The following OR5AN1 variants were observed in gnomAD, a reference collection of about 807,000 sequenced individuals.
OR5AN1 encodes olfactory receptor 5AN1.
For synonymous variants in OR5AN1, 167 were observed against 131.8 expected (o/e 1.27, Z -1.83); for missense variants, 476 against 368.9 (o/e 1.29, Z -2.38).
At position 59,370,974 on chromosome 11, in the gene OR5AN1, T is replaced by A. The variant is rs745855447; in HGVS notation, c.*5580T>A. 2 of 152,252 alleles carry A rather than the reference T, an allele frequency of 1.3e-5. No homozygotes were observed. Among genetic ancestry groups the A allele is most frequent in the African/African-American group, 4.8e-5 (2 of 41,476 alleles). The allele number at this position is 152,252 out of a possible 1,614,324, so 9.4% of individuals were successfully genotyped here. A position where few individuals can be genotyped will look rare whatever the true frequency, so the allele number is the denominator to read the frequency against. On this transcript the variant is annotated 3_prime_UTR_variant, in exon 2 of 2. Coordinates refer to ENST00000641998, the MANE Select transcript of OR5AN1 (RefSeq NM_001004729.2). Reference sequence around the variant, plus strand: ...GATAACCTCTGTGATAGCTCTAGGCTGTTATCTTGTAGGCTTTTTCTTTTC... The same window carrying A: ...GATAACCTCTGTGATAGCTCTAGGCAGTTATCTTGTAGGCTTTTTCTTTTC...
rs1857580305 is a variant in OR5AN1 at position 59,370,291 on chromosome 11, G to GC, written c.*4901dup. 2 of 152,226 alleles carry GC rather than the reference G, an allele frequency of 1.3e-5. No individual in the cohort carries two copies. Among genetic ancestry groups the GC allele is most frequent in the South Asian group, 4.1e-4 (2 of 4,820 alleles). The allele number at this position is 152,226 out of a possible 1,614,324, so 9.4% of individuals were successfully genotyped here. A position where few individuals can be genotyped will look rare whatever the true frequency, so the allele number is the denominator to read the frequency against. ...AACCTTGAATGTAAATGGGCTAAATGCCCCACTAAAAAGGCACAGAGTGGC... is the reference window on the plus strand; with the variant it reads ...AACCTTGAATGTAAATGGGCTAAATGCCCCCACTAAAAAGGCACAGAGTGGC... On this transcript the variant is annotated 3_prime_UTR_variant, in exon 2 of 2. Coordinates refer to ENST00000641998, the MANE Select transcript of OR5AN1 (RefSeq NM_001004729.2).
chr11:59,364,586 A>G lies in OR5AN1; in HGVS notation c.128A>G (p.Asn43Ser). Residue 43 changes from asparagine (N) to serine (S), a missense_variant, in exon 2 of 2, where the codon AAC (asparagine) becomes AGC (serine). Transcript: ENST00000641998. ...ATCTACATTACATCTCTGGCCTGGA[A>G]CCTCTCCCTCATTGTTTTAATAAGG... ...LVIYITSLAW[N>S]LSLIVLIRMD... The G allele has an allele frequency of 6.2e-7, 1 of 1,607,268 alleles. No individual in the cohort carries two copies. The highest frequency in any genetic ancestry group is 8.5e-7 in the Non-Finnish European group (1 of 1,174,220).
In OR5AN1 at chr11:59,369,892, C is replaced by A. The variant is rs1178479906; in HGVS notation, c.*4498C>A. 6.6e-6 allele frequency: 1 copy of A among 152,152 alleles called. No individual in the cohort carries two copies. Among genetic ancestry groups the A allele is most frequent in the African/African-American group, 2.4e-5 (1 of 41,416 alleles). 9.4% of individuals were successfully genotyped at this position (152,152 alleles called of 1,614,324 possible). A position where few individuals can be genotyped will look rare whatever the true frequency, so the allele number is the denominator to read the frequency against. On this transcript the variant is annotated 3_prime_UTR_variant, in exon 2 of 2. Transcript: ENST00000641998. Reference sequence around the variant, plus strand: ...GGTGAGTCATCTACAAAGGGATCCCCGTCAGGCTAACAGCAGACCTCTCCA... The same window carrying A: ...GGTGAGTCATCTACAAAGGGATCCCAGTCAGGCTAACAGCAGACCTCTCCA...
At chr11:59,361,628 A>C (rs1202406262) in intron 1 of OR5AN1, among the ~76,000 whole-genome samples, 1 of 152,128 alleles carries the variant, frequency 6.6e-6, no homozygotes, top group African/African-American at 2.4e-5. Flanking sequence ...TCCTTGCAAC[A>C]ACGCTTTGAG....
chr11:59,364,411 A>G (rs1857498549), intron 1 of OR5AN1, 35 bp from the exon 2 acceptor site: 1 of 1,308,492 alleles, frequency 7.6e-7, no homozygotes, highest in Non-Finnish European at 1.1e-6. Context: ...CAACTGAGTT[A>G]GCAATCCATT....
At position 59,365,326 on chromosome 11, in the gene OR5AN1, AT is replaced by A. The variant is rs1308383088; in HGVS notation, c.871del (p.Tyr291ThrfsTer3). 5.0e-6 allele frequency: 8 copies of A among 1,611,582 alleles called. No homozygotes were observed. The African/African-American group carries it at 8.0e-5, about 16-fold the overall frequency. The stretch of plus-strand genomic sequence containing the variant: ...GGTCATTCCCATGTTAAATCCCTTG[AT>A]TTACAGTTTGAGGAACAAAGAAATT... ...TVVIPMLNPLIYSLRNKEIKD... is the reference protein window; with the variant it reads ...TVVIPMLNPLXYSLRNKEIKD... On this transcript the variant is annotated frameshift_variant, in exon 2 of 2. Coordinates refer to ENST00000641998, the MANE Select transcript of OR5AN1 (RefSeq NM_001004729.2). LOFTEE classifies it low-confidence loss of function (END_TRUNC).
chr11:59,362,198 TTTTCTG>T (rs1162980724), intron 1 of OR5AN1, among the ~76,000 whole-genome samples: 1 of 152,182 alleles, frequency 6.6e-6, no homozygotes, highest in Non-Finnish European at 1.5e-5. Flanking sequence ...TATATTGTCT[TTTTCTG>T]TCTTATCACT....
intron 1 of OR5AN1, among the ~76,000 whole-genome samples, chr11:59,361,619 C>A (rs998269642): frequency 2.6e-5 from 4 of 152,126 alleles, no homozygotes. Context: ...TCATTTCCAT[C>A]CTTGCAACAA....
In OR5AN1 at chr11:59,365,638, C is replaced by T. The variant is rs186853448; in HGVS notation, c.*244C>T. On this transcript the variant is annotated 3_prime_UTR_variant, in exon 2 of 2. Transcript: ENST00000641998. ...CCTACATCAGGATAAATAATGTGGC[C>T]TCATCATTTATGAATTTGTCCAAAA... The T allele has an allele frequency of 9.6e-5, 36 of 374,886 alleles. 1 individual carries two copies. The East Asian group carries it at 1.1e-3, about 12-fold the overall frequency. 23.2% of individuals were successfully genotyped at this position (374,886 alleles called of 1,614,324 possible). A position where few individuals can be genotyped will look rare whatever the true frequency, so the allele number is the denominator to read the frequency against.
At chr11:59,360,647 G>A (rs943906285) in intron 1 of OR5AN1, among the ~76,000 whole-genome samples, 3 of 152,176 alleles carry the variant, frequency 2.0e-5, no homozygotes, top group African/African-American at 7.2e-5. Flanking sequence ...TGTCCTCATA[G>A]TTCAGCTCCC....
In OR5AN1 at chr11:59,365,472, C is replaced by T. The variant is rs1218073606; in HGVS notation, c.*78C>T. ...CCCACAAAATATGATAATGAATGGA[C>T]TATAACAAAATTCATGCTGCCTACT... On this transcript the variant is annotated 3_prime_UTR_variant, in exon 2 of 2. Transcript: ENST00000641998. 26 of 871,636 alleles carry T rather than the reference C, an allele frequency of 3.0e-5. No individual in the cohort carries two copies. The highest frequency in any genetic ancestry group is 4.5e-5 in the Non-Finnish European group (26 of 575,324). 54.0% of individuals were successfully genotyped at this position (871,636 alleles called of 1,614,324 possible). A position where few individuals can be genotyped will look rare whatever the true frequency, so the allele number is the denominator to read the frequency against.
rs1329750360 is a variant in OR5AN1 at position 59,365,128 on chromosome 11, A to G, written c.670A>G (p.Ile224Val). The G allele has an allele frequency of 3.1e-6, 5 of 1,614,016 alleles. No individual in the cohort carries two copies. The African/African-American group carries it at 4.0e-5, about 13-fold the overall frequency. ...VIMISYGYIGISIMKITSAKG... is the reference protein window; with the variant it reads ...VIMISYGYIGVSIMKITSAKG... ...CATGATATCCTATGGCTATATTGGC[A>G]TCTCCATCATGAAGATCACTTCAGC... Residue 224 changes from isoleucine (I) to valine (V), a missense_variant, in exon 2 of 2, where the codon ATC becomes GTC. Ile to Val is a conservative substitution (Grantham distance 29, BLOSUM62 3). Coordinates refer to ENST00000641998, the MANE Select transcript of OR5AN1 (RefSeq NM_001004729.2).
rs1412845747 is a variant in OR5AN1 at position 59,371,515 on chromosome 11, C to G, written c.*6121C>G. 1 of 152,210 alleles carries G rather than the reference C, an allele frequency of 6.6e-6. No homozygotes were observed. 9.4% of individuals were successfully genotyped at this position (152,210 alleles called of 1,614,324 possible). On this transcript the variant is annotated 3_prime_UTR_variant, in exon 2 of 2. Coordinates refer to ENST00000641998, the MANE Select transcript of OR5AN1 (RefSeq NM_001004729.2). The stretch of plus-strand genomic sequence containing the variant: ...AGGCTAACCTGCATCTATGCTCCAG[C>G]TTCCAGGACTCCTCCCTATGCCAGA...
chr11:59,361,530 C>T (rs1224229388), intron 1 of OR5AN1, among the ~76,000 whole-genome samples: 1 of 152,228 alleles, frequency 6.6e-6, no homozygotes, highest in African/African-American at 2.4e-5. Flanking sequence ...ATCCACCTGC[C>T]TCGGCCTCCC....
intron 1 of OR5AN1, 106 bp downstream of exon 1, chr11:59,359,378 T>C (rs1857439991): frequency 6.6e-6 from 1 of 152,218 alleles, no homozygotes; most frequent in Non-Finnish European, 1.5e-5. Flanking sequence ...TGGGATAAAC[T>C]ACAGTCAAAT....
intron 1 of OR5AN1, among the ~76,000 whole-genome samples, chr11:59,361,943 T>C (rs1034629448): frequency 2.0e-5 from 3 of 152,098 alleles, no homozygotes; most frequent in African/African-American, 7.2e-5. Flanking sequence ...TTAATTTTAA[T>C]GTTTGACATT....
chr11:59,364,745 T>A lies in OR5AN1; in HGVS notation c.287T>A (p.Val96Asp). 6.2e-7 allele frequency: 1 copy of A among 1,614,088 alleles called. No homozygotes were observed. The highest frequency in any genetic ancestry group is 8.5e-7 in the Non-Finnish European group (1 of 1,179,948). The change falls in exon 2 of 2, where the codon GTT becomes GAT. Residue 96 changes from valine to aspartate, a missense_variant. Val to Asp is a radical substitution (Grantham distance 152). Transcript: ENST00000641998. ...LLQEQQTITFVGCIIQYFIFS... is the reference protein window; with the variant it reads ...LLQEQQTITFDGCIIQYFIFS... ...CAGGAACAGCAAACTATCACTTTTG[T>A]TGGTTGTATTATTCAGTACTTTATC...
At position 59,364,732 on chromosome 11, in the gene OR5AN1, A is replaced by T. The variant is rs1240935265; in HGVS notation, c.274A>T (p.Thr92Ser). The change falls in exon 2 of 2, where the codon ACT becomes TCT. Residue 92 changes from threonine to serine, a missense_variant. Coordinates refer to ENST00000641998, the MANE Select transcript of OR5AN1 (RefSeq NM_001004729.2). ...MLSNLLQEQQ[T>S]ITFVGCIIQY... Reference sequence around the variant, plus strand: ...CTCCAACCTCTTACAGGAACAGCAAACTATCACTTTTGTTGGTTGTATTAT... The same window carrying T: ...CTCCAACCTCTTACAGGAACAGCAATCTATCACTTTTGTTGGTTGTATTAT... 6.2e-7 allele frequency: 1 copy of T among 1,614,054 alleles called. No individual in the cohort carries two copies. The highest frequency in any genetic ancestry group is 1.7e-5 in the Admixed American group (1 of 60,024).
Position 59,367,169 on chromosome 11 carries a change from G to A in OR5AN1, c.*1775G>A, listed in dbSNP as rs1317067983. 1 of 152,206 alleles carries A rather than the reference G, an allele frequency of 6.6e-6. No individual in the cohort carries two copies. The highest frequency in any genetic ancestry group is 1.5e-5 in the Non-Finnish European group (1 of 68,048). The allele number at this position is 152,206 out of a possible 1,614,324, so 9.4% of individuals were successfully genotyped here. A position where few individuals can be genotyped will look rare whatever the true frequency, so the allele number is the denominator to read the frequency against. On this transcript the variant is annotated 3_prime_UTR_variant, in exon 2 of 2. Transcript: ENST00000641998. ...TTAAGAAAACTAGAGGAGAAGTGGA[G>A]GAGTGGGCAAGATGGCTGACCAGAA...
Sources: allele counts gnomAD v4.1 joint callset (sites outside exome capture counted in the v4.1 genomes callset), GRCh38; gene constraint gnomAD v4.1.1; transcripts MANE v1.5; gene names NCBI Gene and HGNC (gene_info 2026-07-23, HGNC 2026-07-21).